PPM1E: variants seen among roughly 807,000 people sequenced by gnomAD.
PPM1E encodes protein phosphatase, Mg2+/Mn2+ dependent 1E.
A neutral mutation model predicts 65.9 loss-of-function variants in PPM1E; 20 were observed. The observed-to-expected ratio is 0.30, with a 90% CI of 0.21 to 0.44. The LOEUF (loss-of-function observed/expected upper bound fraction) is 0.44. PPM1E is among the 20% of genes least tolerant of loss of function. The probability of loss-of-function intolerance (pLI) is 1.00; values close to 1 mark genes in which losing one functional copy is unlikely to be tolerated. For missense variants in PPM1E, 713 were observed against 953.1 expected, an observed-to-expected ratio of 0.75 and a Z score of 3.32; for synonymous variants, 352 against 374.9, an observed-to-expected ratio of 0.94 and a Z score of 0.70.
At chr17:58,888,780 C>T (rs1271437550) in intron 1 of PPM1E, among the ~76,000 whole-genome samples, 1 of 152,092 alleles carries the variant, frequency 6.6e-6, no homozygotes, top group African/African-American at 2.4e-5. Context: ...AATTATCTTC[C>T]AAAACTACAA....
intron 1 of PPM1E, among the ~76,000 whole-genome samples, chr17:58,847,297 G>A (rs1219881424): frequency 3.9e-5 from 6 of 152,058 alleles, no homozygotes; most frequent in Non-Finnish European, 7.4e-5. Context: ...TTTCAATTTT[G>A]GCTTTTGTTG....
intron 1 of PPM1E, among the ~76,000 whole-genome samples, chr17:58,802,331 T>C (rs961098988): frequency 5.3e-5 from 8 of 152,124 alleles, no homozygotes; most frequent in Admixed American, 5.2e-4. Flanking sequence ...TGTTGAAGAT[T>C]TGTTGACCAT....
At chr17:58,804,006 G>A (rs1382605050) in intron 1 of PPM1E, among the ~76,000 whole-genome samples, 1 of 152,146 alleles carries the variant, frequency 6.6e-6, no homozygotes, top group Non-Finnish European at 1.5e-5. Context: ...ATAGCTCACT[G>A]AGACCTTAAA....
At chr17:58,838,021 G>T (rs911777907) in intron 1 of PPM1E, among the ~76,000 whole-genome samples, 8 of 152,182 alleles carry the variant, frequency 5.3e-5, no homozygotes, top group African/African-American at 1.7e-4. Context: ...TGTAAACATA[G>T]ATGTTATACC....
intron 1 of PPM1E, among the ~76,000 whole-genome samples, chr17:58,882,520 A>C (rs2143395465): frequency 1.3e-5 from 2 of 152,050 alleles, no homozygotes; most frequent in African/African-American, 4.8e-5. Flanking sequence ...CCTCTCGAGT[A>C]GCTGGGATTA....
intron 1 of PPM1E, among the ~76,000 whole-genome samples, chr17:58,948,039 C>CA (rs1004628636): frequency 6.6e-6 from 1 of 152,086 alleles, no homozygotes; most frequent in Non-Finnish European, 1.5e-5. Flanking sequence ...AGCAAGTATC[C>CA]AGAGGGAGAC....
chr17:58,862,308 C>A (rs1044784538), intron 1 of PPM1E, among the ~76,000 whole-genome samples: 1 of 152,124 alleles, frequency 6.6e-6, no homozygotes, highest in African/African-American at 2.4e-5. Flanking sequence ...GTTCCACTAA[C>A]CCAGATTACT....
intron 1 of PPM1E, among the ~76,000 whole-genome samples, chr17:58,893,570 C>T (rs2051374871): frequency 6.6e-6 from 1 of 152,142 alleles, no homozygotes; most frequent in South Asian, 2.1e-4. Flanking sequence ...GAACATTCAT[C>T]AAGAGTGAAC....
chr17:58,852,019 C>G (rs151165361), intron 1 of PPM1E, among the ~76,000 whole-genome samples: 1 of 152,174 alleles, frequency 6.6e-6, no homozygotes, highest in African/African-American at 2.4e-5. Flanking sequence ...CCTTGCAGTT[C>G]GATCTCAGAC....
intron 1 of PPM1E, among the ~76,000 whole-genome samples, chr17:58,860,863 G>A (rs536568457): frequency 1.3e-5 from 2 of 152,224 alleles, no homozygotes; most frequent in Non-Finnish European, 2.9e-5. Context: ...CTTGAACCAG[G>A]GAGGTGGAGG....
intron 1 of PPM1E, among the ~76,000 whole-genome samples, chr17:58,900,982 A>G (rs2051491841): frequency 6.6e-6 from 1 of 152,178 alleles, no homozygotes; most frequent in Admixed American, 6.5e-5. Flanking sequence ...TATTTTACAG[A>G]TTGGGAAACT....
chr17:58,942,527 A>G (rs914894724), intron 1 of PPM1E, among the ~76,000 whole-genome samples: 2 of 152,310 alleles, frequency 1.3e-5, no homozygotes, highest in East Asian at 3.9e-4. Flanking sequence ...GTTATCAAAA[A>G]TTGCATCAGC....
chr17:58,775,681 G>C (rs987535486), intron 1 of PPM1E, among the ~76,000 whole-genome samples: 4 of 151,188 alleles, frequency 2.6e-5, no homozygotes, highest in African/African-American at 9.7e-5. Context: ...TTGGGAGGCC[G>C]AGGCGGGTGG....
At chr17:58,948,900 AT>A (rs912592510) in intron 1 of PPM1E, among the ~76,000 whole-genome samples, 1 of 152,190 alleles carries the variant, frequency 6.6e-6, no homozygotes, top group African/African-American at 2.4e-5. Flanking sequence ...AATTAAAAAA[AT>A]TTTTTTAGCC....
chr17:58,882,297 T>C (rs1167656397), intron 1 of PPM1E, among the ~76,000 whole-genome samples: 1 of 152,220 alleles, frequency 6.6e-6, no homozygotes, highest in Non-Finnish European at 1.5e-5. Flanking sequence ...CTTTTTCTGT[T>C]TATTTACATA....
chr17:58,861,038 A>G (rs1202206010), intron 1 of PPM1E, among the ~76,000 whole-genome samples: 3 of 152,242 alleles, frequency 2.0e-5, no homozygotes, highest in Non-Finnish European at 4.4e-5. Flanking sequence ...CCAGTATTAT[A>G]TGTTATCCTT....
At chr17:58,760,942 A>G (rs2049815201) in intron 1 of PPM1E, among the ~76,000 whole-genome samples, 1 of 152,234 alleles carries the variant, frequency 6.6e-6, no homozygotes, top group African/African-American at 2.4e-5. Context: ...GGTTGCAGAT[A>G]TGAAACTTCC....
intron 1 of PPM1E, among the ~76,000 whole-genome samples, chr17:58,817,588 A>T (rs1474290153): frequency 6.6e-6 from 1 of 152,218 alleles, no homozygotes; most frequent in Non-Finnish European, 1.5e-5. Flanking sequence ...AGTTAAAAAG[A>T]TCCTTGCATT....
chr17:58,766,409 T>G (rs767998996), intron 1 of PPM1E, among the ~76,000 whole-genome samples: 1 of 149,480 alleles, frequency 6.7e-6, no homozygotes, highest in Non-Finnish European at 1.5e-5. Flanking sequence ...ATCATGTTGG[T>G]CAGGCTGGTC....
Sources: gnomAD v4.1 joint callset for allele counts (sites outside exome capture counted in the v4.1 genomes callset) on GRCh38, gnomAD v4.1.1 for gene constraint, MANE v1.5 for transcripts, NCBI Gene and HGNC (gene_info 2026-07-23, HGNC 2026-07-21) for gene names.